CCDC30: variants seen among roughly 807,000 people sequenced by gnomAD.
The protein encoded by CCDC30 is coiled-coil domain containing 30.
Under a neutral mutation model 100.2 loss-of-function variants are expected in CCDC30, and 70 were observed. The ratio of observed to expected loss-of-function variants is 0.70; its 90% CI spans 0.58 to 0.85. The LOEUF is 0.85. Ranked by LOEUF, CCDC30 falls within the 40% of genes least tolerant of loss-of-function variation. The pLI is 0.00. For missense variants in CCDC30, 652 were observed against 771.2 expected, an observed-to-expected ratio of 0.85 and a Z score of 1.83; for synonymous variants, 233 against 269.5, an observed-to-expected ratio of 0.86 and a Z score of 1.33.
intron 12 of CCDC30, among the ~76,000 whole-genome samples, chr1:42,638,598 G>T (rs1294928370): frequency 6.6e-6 from 1 of 151,654 alleles, no homozygotes; most frequent in Admixed American, 6.6e-5. Flanking sequence ...AAGAGGCAGG[G>T]CACGGTGGCT....
At chr1:42,473,073 TTG>T (rs1027187986) in intron 1 of CCDC30, 8,840 of 1,058,322 alleles carry the variant, frequency 8.4e-3, no homozygotes, top group East Asian at 0.021. Flanking sequence ...GCATCCTCAG[TTG>T]TGTGTGTGTG....
chr1:42,581,740 A>G (rs1645971604), intron 9 of CCDC30, among the ~76,000 whole-genome samples: 1 of 152,146 alleles, frequency 6.6e-6, no homozygotes, highest in African/African-American at 2.4e-5. Context: ...TTAAAGGCAG[A>G]GATTATTTCT....
At chr1:42,545,186 A>AAAAAAAAAAAAAAAAAAT (rs760685126) in intron 6 of CCDC30, among the ~76,000 whole-genome samples, 2 of 126,136 alleles carry the variant, frequency 1.6e-5, no homozygotes, top group Non-Finnish European at 1.7e-5. Flanking sequence ...AAAAAAAAAA[A>AAAAAAAAAAAAAAAAAAT]AAGGGAATTT....
intron 4 of CCDC30, among the ~76,000 whole-genome samples, chr1:42,491,513 A>G (rs1256211554): frequency 2.0e-5 from 3 of 151,968 alleles, no homozygotes; most frequent in African/African-American, 7.2e-5. Flanking sequence ...GGGTAAAAAA[A>G]AAAAAAGAAA....
chr1:42,611,784 C>T (rs1393552781), intron 11 of CCDC30, among the ~76,000 whole-genome samples: 1 of 152,122 alleles, frequency 6.6e-6, no homozygotes, highest in African/African-American at 2.4e-5. Context: ...TCAAGTGATC[C>T]TCCCACCTCA....
chr1:42,490,248 T>C lies in CCDC30; in HGVS notation c.241+19T>C, dbSNP rs1015177876. 2.8e-6 allele frequency: 3 copies of C among 1,083,652 alleles called. No individual in the cohort carries two copies. The African/African-American group carries it at 4.9e-5, about 18-fold the overall frequency. 67.1% of individuals were successfully genotyped at this position (1,083,652 alleles called of 1,614,324 possible). On this transcript the variant is annotated intron_variant, in intron 4 of 16. Coordinates refer to ENST00000668663, the Ensembl canonical transcript of CCDC30. ...GAAAATGGTAAGTCATTCTAGAAGA[T>C]ATGATGATTATTATTTAGTAGCCAA... is the stretch of plus-strand genomic sequence containing the variant.
chr1:42,582,145 A>G (rs192194234), intron 9 of CCDC30, among the ~76,000 whole-genome samples: 319 of 152,036 alleles, frequency 2.1e-3, no homozygotes, highest in African/African-American at 4.7e-3. Flanking sequence ...TAGGAGGATC[A>G]CTTGAGCCCA....
intron 1 of CCDC30, among the ~76,000 whole-genome samples, chr1:42,466,535 T>TTTG (rs943696066): frequency 6.7e-6 from 1 of 149,394 alleles, no homozygotes; most frequent in African/African-American, 2.5e-5. Context: ...GAATAGTTTT[T>TTTG]TTGTTGTTGT....
chr1:42,508,002 A>G (rs1029880013), intron 6 of CCDC30, among the ~76,000 whole-genome samples: 1 of 152,212 alleles, frequency 6.6e-6, no homozygotes, highest in South Asian at 2.1e-4. Context: ...AAGACAATTA[A>G]TTAGAGCTCT....
chr1:42,524,626 CTTG>C (rs1644696662), intron 6 of CCDC30, among the ~76,000 whole-genome samples: 2 of 152,128 alleles, frequency 1.3e-5, no homozygotes, highest in African/African-American at 4.8e-5. Context: ...GGAAAGCATC[CTTG>C]TTGTCCATTT....
chr1:42,629,904 G>T (rs1256483084), intron 11 of CCDC30, among the ~76,000 whole-genome samples: 1 of 150,888 alleles, frequency 6.6e-6, no homozygotes. Flanking sequence ...GTGAGCCGCT[G>T]CATGGGCCCC....
At chr1:42,611,222 G>C in intron 11 of CCDC30, 132 bp downstream of exon 15, 1 of 538,740 alleles carries the variant, frequency 1.9e-6, no homozygotes, top group Non-Finnish European at 3.3e-6. Flanking sequence ...AAATTCCTAT[G>C]TTTCCAAAAG....
chr1:42,470,210 G>A (rs1643723522), intron 1 of CCDC30, among the ~76,000 whole-genome samples: 2 of 152,098 alleles, frequency 1.3e-5, no homozygotes, highest in Non-Finnish European at 2.9e-5. Flanking sequence ...GGATGTAATG[G>A]TCCAGAGATT....
chr1:42,603,341 C>T (rs564249573), intron 10 of CCDC30, among the ~76,000 whole-genome samples: 13 of 152,282 alleles, frequency 8.5e-5, no homozygotes, highest in South Asian at 4.1e-4. Context: ...GGACAGAGCC[C>T]TCATGACTTA....
At chr1:42,589,646 C>G (rs1295448404) in intron 10 of CCDC30, 163 bp downstream of exon 14, 3 of 605,968 alleles carry the variant, frequency 5.0e-6, no homozygotes, top group Non-Finnish European at 8.5e-6. Flanking sequence ...AGATTTAACA[C>G]AGGGAATAAG....
In CCDC30 at chr1:42,634,264, A is replaced by C. The variant is rs113062116; in HGVS notation, c.1278-2973A>C. Among the ~76,000 whole-genome samples the C allele has an allele frequency of 7.3e-3, 968 of 132,614 alleles. 6 individuals are homozygous for C. Among genetic ancestry groups the C allele is most frequent in the Middle Eastern group, 0.024 (6 of 248 alleles). The allele number at this position is 132,614 out of a possible 152,430, so 87.0% of individuals were successfully genotyped here. ...AAGACTGTCTCAAAAAAAAAAAAAA[A>C]AAAAAAAAAACAAAACATTACAGCC... On this transcript the variant is annotated intron_variant, in intron 11 of 16. Transcript: ENST00000668663.
intron 8 of CCDC30, among the ~76,000 whole-genome samples, chr1:42,580,348 G>C (rs1436875869): frequency 1.3e-5 from 2 of 152,168 alleles, no homozygotes. Flanking sequence ...AGGGGCTTGG[G>C]ATTGATGCAG....
At chr1:42,638,559 CAAA>C (rs55773821) in intron 12 of CCDC30, among the ~76,000 whole-genome samples, 32 of 116,358 alleles carry the variant, frequency 2.8e-4, no homozygotes, top group Admixed American at 4.5e-4. Flanking sequence ...CACCCATGGG[CAAA>C]AAAAAAAAAA....
chr1:42,479,787 A>C (rs1013301143), intron 1 of CCDC30, among the ~76,000 whole-genome samples: 1 of 152,186 alleles, frequency 6.6e-6, no homozygotes, highest in Non-Finnish European at 1.5e-5. Flanking sequence ...TCAAGAATAG[A>C]ATGAACTCAT....
Sources: gnomAD v4.1 joint callset for allele counts (sites outside exome capture counted in the v4.1 genomes callset) on GRCh38, gnomAD v4.1.1 for gene constraint, MANE v1.5 for transcripts, NCBI Gene and HGNC (gene_info 2026-07-23, HGNC 2026-07-21) for gene names.